The following MYH10 variants were observed in gnomAD, a reference collection of about 807,000 sequenced individuals.
The protein encoded by MYH10 is myosin-10.
MYH10 carries 55 observed loss-of-function variants against 257.8 expected under a neutral mutation model. That is an observed-to-expected ratio of 0.21 (90% CI 0.17 to 0.27). The LOEUF is 0.27. MYH10 is among the 10% of genes least tolerant of loss of function. The pLI is 1.00. For synonymous variants in MYH10, 854 were observed against 921.7 expected (o/e 0.93, Z 1.33); for missense variants, 1,631 against 2,500.6 (o/e 0.65, Z 7.42).
intron 17 of MYH10, among the ~76,000 whole-genome samples, chr17:8,521,729 T>G (rs911581471): frequency 6.6e-6 from 1 of 152,158 alleles, no homozygotes; most frequent in Non-Finnish European, 1.5e-5. Flanking sequence ...ACAAATAACC[T>G]CAGGGACTAG....
In MYH10 at chr17:8,508,784, C is replaced by T. The variant is rs931400291; in HGVS notation, c.3091-107G>A. On this transcript the variant is annotated intron_variant, in intron 25 of 42. Transcript: ENST00000360416. Reference sequence around the variant, plus strand: ...TGACTCGAGAGAAAATAAGTTCTATCGGCACTGCCTCCCCCAGCAGACTGT... The same window carrying T: ...TGACTCGAGAGAAAATAAGTTCTATTGGCACTGCCTCCCCCAGCAGACTGT... 2.7e-5 allele frequency: 36 copies of T among 1,320,458 alleles called. No homozygotes were observed. The Admixed American group carries it at 4.9e-4, about 18-fold the overall frequency. 81.8% of individuals were successfully genotyped at this position (1,320,458 alleles called of 1,614,324 possible).
Position 8,547,058 on chromosome 17 carries a change from C to G in MYH10, c.1160-396G>C, listed in dbSNP as rs191747968. On this transcript the variant is annotated intron_variant, in intron 11 of 42. Coordinates refer to ENST00000360416, the MANE Select transcript of MYH10 (RefSeq NM_001256012.3). Reference sequence around the variant, plus strand: ...ACTCCTCCCTAGGCAACCTAGTGGTCCCCTACTGCTGGGAGGCTACCATAT... The same window carrying G: ...ACTCCTCCCTAGGCAACCTAGTGGTGCCCTACTGCTGGGAGGCTACCATAT... Among the ~76,000 whole-genome samples, 1,079 of 152,204 alleles carry G rather than the reference C, an allele frequency of 7.1e-3. 17 individuals carry two copies. Among genetic ancestry groups the G allele is most frequent in the African/African-American group, 0.023 (975 of 41,508 alleles).
chr17:8,542,139 G>T lies in MYH10; in HGVS notation c.1573C>A (p.Leu525Met), dbSNP rs1395686492. The change falls in exon 14 of 43, where the codon CTG becomes ATG. Residue 525 changes from leucine to methionine, a missense_variant. Transcript: ENST00000360416. Reference sequence around the variant, plus strand: ...TCTATTAGGTCGATGCATGGCTGCAGATCCAGCCCGAAATCGATGAAGTTC... The same window carrying T: ...TCTATTAGGTCGATGCATGGCTGCATATCCAGCCCGAAATCGATGAAGTTC... ...EWNFIDFGLDLQPCIDLIERP... is the reference protein window; with the variant it reads ...EWNFIDFGLDMQPCIDLIERP... 6.2e-7 allele frequency: 1 copy of T among 1,614,146 alleles called. No homozygotes were observed.
In MYH10 at chr17:8,530,603, T is replaced by C. The variant is rs2081981425; in HGVS notation, c.1957+20A>G. ...TAAAACCCTTCTGTTTTGGAAGACC[T>C]ACAGGCTTTATACATTCACCTGGTG... On this transcript the variant is annotated intron_variant, in intron 17 of 42. Transcript: ENST00000360416. 8 of 1,350,660 alleles carry C rather than the reference T, an allele frequency of 5.9e-6. No homozygotes were observed. The highest frequency in any genetic ancestry group is 7.8e-6 in the Non-Finnish European group (8 of 1,024,218). 83.7% of individuals were successfully genotyped at this position (1,350,660 alleles called of 1,614,324 possible). A position where few individuals can be genotyped will look rare whatever the true frequency, so the allele number is the denominator to read the frequency against.
At chr17:8,532,152 T>C (rs2082022373) in intron 16 of MYH10, among the ~76,000 whole-genome samples, 1 of 152,190 alleles carries the variant, frequency 6.6e-6, no homozygotes, top group Non-Finnish European at 1.5e-5. Context: ...AGAGCAGCAT[T>C]ATCAGGAGAG....
chr17:8,544,821 G>A (rs1337425711), intron 13 of MYH10, among the ~76,000 whole-genome samples: 1 of 152,148 alleles, frequency 6.6e-6, no homozygotes, highest in Admixed American at 6.5e-5. Context: ...GTAAGTATTT[G>A]GATAAATCTA....
intron 4 of MYH10, among the ~76,000 whole-genome samples, chr17:8,583,130 A>G (rs1037771724): frequency 3.9e-5 from 6 of 152,216 alleles, no homozygotes; most frequent in Admixed American, 3.9e-4. Context: ...CTACCTCATC[A>G]GGTCTTGGAT....
rs1430877593 is a variant in MYH10 at position 8,569,151 on chromosome 17, G to A, written c.756+569C>T. Among the ~76,000 whole-genome samples the A allele has an allele frequency of 2.0e-5, 3 of 151,698 alleles. No homozygotes were observed. The highest frequency in any genetic ancestry group is 4.2e-4 in the South Asian group (2 of 4,796). ...GAAGGAGGATGCCTTGAGACCAGGA[G>A]TTGGTGGCTGCAGTGAGCTATGACT... On this transcript the variant is annotated intron_variant, in intron 7 of 42. Coordinates refer to ENST00000360416, the MANE Select transcript of MYH10 (RefSeq NM_001256012.3). This position sits in a 1 kb window ranked among gnomAD's most constrained non-coding sequence, Gnocchi z 4.1.
intron 30 of MYH10, among the ~76,000 whole-genome samples, chr17:8,496,104 T>C (rs1567797095): frequency 6.6e-6 from 1 of 152,250 alleles, no homozygotes; most frequent in Non-Finnish European, 1.5e-5. Context: ...AATATTTTTT[T>C]CTTCGCAATT....
chr17:8,503,316 A>AAAATAAAATT (rs1426229229), intron 28 of MYH10, among the ~76,000 whole-genome samples: 6 of 151,782 alleles, frequency 4.0e-5, no homozygotes, highest in Non-Finnish European at 7.4e-5. Context: ...AAAATAAAAT[A>AAAATAAAATT]AAAAAGTGGG....
At chr17:8,540,153 C>A (rs2082254489) in intron 14 of MYH10, among the ~76,000 whole-genome samples, 1 of 152,132 alleles carries the variant, frequency 6.6e-6, no homozygotes, top group Non-Finnish European at 1.5e-5. Flanking sequence ...CCACATCCGG[C>A]TAATTTTCTG....
chr17:8,603,678 CAA>C lies in MYH10; in HGVS notation c.502+1146_502+1147del, dbSNP rs1452141355. On this transcript the variant is annotated intron_variant, in intron 3 of 42. Coordinates refer to ENST00000360416, the MANE Select transcript of MYH10 (RefSeq NM_001256012.3). ...TTCTTAACAGAGACAGAACCAAAAA[CAA>C]AAAGAGTGGATGATTCTTCATTCTC... is the stretch of plus-strand genomic sequence containing the variant. 7.2e-5 allele frequency among the ~76,000 whole-genome samples: 11 copies of C among 152,160 alleles called. 1 individual carries two copies. The South Asian group carries it at 2.1e-3, about 29-fold the overall frequency.
At position 8,504,412 on chromosome 17, in the gene MYH10, A is replaced by C. The variant is rs2081006874; in HGVS notation, c.3599+282T>G. 6.7e-6 allele frequency among the ~76,000 whole-genome samples: 1 copy of C among 149,786 alleles called. No individual in the cohort carries two copies. ...CTGCCCCCTGCTCTGTGTAGTTGTCACTCTCTCCCCCTAGATATCCATCAC... is the reference window on the plus strand; with the variant it reads ...CTGCCCCCTGCTCTGTGTAGTTGTCCCTCTCTCCCCCTAGATATCCATCAC... On this transcript the variant is annotated intron_variant, in intron 28 of 42. Transcript: ENST00000360416. This position sits in a 1 kb window ranked among gnomAD's most constrained non-coding sequence, Gnocchi z 5.6.
rs1354474534 is a variant in MYH10 at position 8,492,900 on chromosome 17, G to A, written c.4334C>T (p.Ala1445Val). ...LSQRLEEKAL[A>V]YDKLEKTKNR... ...CTTGGTCTTCTCCAGTTTGTCATAC[G>A]CCAGTGCCTTCTCCTCCAGGCGCTG... Residue 1445 changes from alanine (A) to valine (V), a missense_variant, in exon 33 of 43, where the codon GCG (alanine) becomes GTG (valine). By Grantham distance (64) the Ala-to-Val change is moderately conservative. Around this residue, in one of 11 missense-constraint regions of MYH10, gnomAD observed 463 missense variants for 621.8 expected, o/e 0.74. Transcript: ENST00000360416. 4.3e-6 allele frequency: 7 copies of A among 1,614,032 alleles called. No homozygotes were observed. The highest frequency in any genetic ancestry group is 5.1e-6 in the Non-Finnish European group (6 of 1,180,010).
chr17:8,610,421 C>T (rs948441279), intron 2 of MYH10, among the ~76,000 whole-genome samples: 2 of 150,368 alleles, frequency 1.3e-5, no homozygotes, highest in East Asian at 3.9e-4. Context: ...AGACCCCTAT[C>T]TCCAGAAGCA....
intron 1 of MYH10, among the ~76,000 whole-genome samples, chr17:8,626,259 G>A (rs1254964239): frequency 6.6e-6 from 1 of 152,074 alleles, no homozygotes; most frequent in Non-Finnish European, 1.5e-5. Context: ...CAACTTAAAC[G>A]TTGCACACTG....
Position 8,585,288 on chromosome 17 carries a change from G to GTATATATATA in MYH10, c.530+3783_530+3792dup, listed in dbSNP as rs71159599. Among the ~76,000 whole-genome samples, 103 of 99,302 alleles carry GTATATATATA rather than the reference G, an allele frequency of 1.0e-3. 2 individuals are homozygous for GTATATATATA. The highest frequency in any genetic ancestry group is 1.4e-3 in the Non-Finnish European group (71 of 50,002). 65.1% of individuals were successfully genotyped at this position (99,302 alleles called of 152,430 possible). A position where few individuals can be genotyped will look rare whatever the true frequency, so the allele number is the denominator to read the frequency against. On this transcript the variant is annotated intron_variant, in intron 4 of 42. Transcript: ENST00000360416. ...TATATATATGTGCATGTGTGTGTGT[G>GTATATATATA]TATATATATATATATATAGCTACAT...
rs1339414200 is a variant in MYH10, at chr17:8,520,869, T to A, written c.2273+9A>T. On this transcript the variant is annotated intron_variant, in intron 19 of 42. Transcript: ENST00000360416. ...ATACATAAGCAAAAAAAGTAAAAGT[T>A]AGCAATACCTCTGTCTGAATTCCTG... The A allele has an allele frequency of 6.3e-7, 1 of 1,589,742 alleles. No individual in the cohort carries two copies. The highest frequency in any genetic ancestry group is 1.9e-5 in the Admixed American group (1 of 53,164).
chr17:8,593,286 A>T (rs1237128367), intron 3 of MYH10, among the ~76,000 whole-genome samples: 5 of 152,076 alleles, frequency 3.3e-5, no homozygotes, highest in African/African-American at 7.2e-5. Flanking sequence ...CAAGGGAAGG[A>T]TATTTGTTCT....
Sources: allele counts gnomAD v4.1 joint callset (sites outside exome capture counted in the v4.1 genomes callset), GRCh38; gene constraint gnomAD v4.1.1; regional missense constraint gnomAD v4.1.1; non-coding constraint Gnocchi (gnomAD v3.1); transcripts MANE v1.5; gene names NCBI Gene and HGNC (gene_info 2026-07-23, HGNC 2026-07-21).